Variants in LYPD6B observed in about 807,000 individuals in gnomAD.
LYPD6B encodes the protein LY6/PLAUR domain containing 6B, also known as ly6/PLAUR domain-containing protein 6B.
A neutral mutation model predicts 22.8 loss-of-function variants in LYPD6B; 17 were observed. The observed-to-expected ratio is 0.75, with a 90% confidence interval of 0.51 to 1.12. LYPD6B has a LOEUF of 1.12. Among genes scored for constraint, LYPD6B ranks in the 50% most tolerant of loss-of-function variants. The pLI is 0.00. For missense variants in LYPD6B, 221 were observed against 258.3 expected, an observed-to-expected ratio of 0.86 and a Z score of 0.99; for synonymous variants, 106 against 91.6, an observed-to-expected ratio of 1.16 and a Z score of -0.90.
chr2:149,103,539 A>G (rs1031913356), intron 1 of LYPD6B, among the ~76,000 whole-genome samples: 2 of 152,116 alleles, frequency 1.3e-5, no homozygotes, highest in Non-Finnish European at 2.9e-5. Flanking sequence ...CAGTTTGCTA[A>G]GTTTGGACAT....
intron 1 of LYPD6B, among the ~76,000 whole-genome samples, chr2:149,082,909 A>G (rs982739913): frequency 1.3e-5 from 2 of 152,210 alleles, no homozygotes; most frequent in African/African-American, 4.8e-5. Flanking sequence ...CATTGCCTGT[A>G]GGAAATAAGG....
At chr2:149,156,387 A>G (rs1375338148) in intron 2 of LYPD6B, among the ~76,000 whole-genome samples, 1 of 152,166 alleles carries the variant, frequency 6.6e-6, no homozygotes, top group African/African-American at 2.4e-5. Context: ...TTCCCTGGGA[A>G]TCCTGGCAAT....
At chr2:149,147,358 G>T (rs1018226121) in intron 2 of LYPD6B, among the ~76,000 whole-genome samples, 4 of 152,206 alleles carry the variant, frequency 2.6e-5, no homozygotes, top group Non-Finnish European at 4.4e-5. Context: ...GGGTATCTCT[G>T]AAGGACAGGC....
At chr2:149,082,552 A>G (rs1685185217) in intron 1 of LYPD6B, among the ~76,000 whole-genome samples, 1 of 152,084 alleles carries the variant, frequency 6.6e-6, no homozygotes, top group African/African-American at 2.4e-5. Context: ...TCTGAATGTA[A>G]ATTTTATTGC....
chr2:149,187,435 G>A, intron 3 of LYPD6B: 3 of 1,531,290 alleles, frequency 2.0e-6, no homozygotes, highest in South Asian at 1.2e-5. Context: ...GATGTGAAAG[G>A]CATTGTACAG....
intron 3 of LYPD6B, among the ~76,000 whole-genome samples, chr2:149,184,060 C>T (rs756383769): frequency 1.3e-4 from 20 of 151,880 alleles, no homozygotes; most frequent in Non-Finnish European, 2.1e-4. Context: ...GGCATGGTGG[C>T]GCATGCCTGT....
At chr2:149,173,928 A>G (rs917553553) in intron 3 of LYPD6B, among the ~76,000 whole-genome samples, 4 of 152,338 alleles carry the variant, frequency 2.6e-5, no homozygotes, top group African/African-American at 9.6e-5. Flanking sequence ...AATTCTGTGA[A>G]GAATGTCAAT....
At chr2:149,115,424 A>C (rs1686955819) in intron 1 of LYPD6B, among the ~76,000 whole-genome samples, 1 of 152,214 alleles carries the variant, frequency 6.6e-6, no homozygotes, top group Non-Finnish European at 1.5e-5. Context: ...ATTATAGTAG[A>C]AACTTAGAAT....
At chr2:149,058,806 C>T (rs1574889511) in intron 1 of LYPD6B, among the ~76,000 whole-genome samples, 1 of 152,044 alleles carries the variant, frequency 6.6e-6, no homozygotes, top group African/African-American at 2.4e-5. Context: ...TTTTAGTAGA[C>T]ATGGGGTTTC....
chr2:149,212,698 A>G (rs1436129794), intron 5 of LYPD6B, among the ~76,000 whole-genome samples: 1 of 152,172 alleles, frequency 6.6e-6, no homozygotes, highest in Non-Finnish European at 1.5e-5. Flanking sequence ...AAATGAGCAG[A>G]CCCATGTTTT....
At chr2:149,076,178 A>G (rs540185570) in intron 1 of LYPD6B, among the ~76,000 whole-genome samples, 1 of 152,360 alleles carries the variant, frequency 6.6e-6, no homozygotes, top group African/African-American at 2.4e-5. Flanking sequence ...CCAGAGTAGC[A>G]CTAGAGTAAC....
chr2:149,121,501 G>T (rs1352738938), intron 1 of LYPD6B, among the ~76,000 whole-genome samples: 1 of 152,188 alleles, frequency 6.6e-6, no homozygotes, highest in African/African-American at 2.4e-5. Context: ...CACCCCATTG[G>T]TTCAAATGAA....
chr2:149,174,720 C>T (rs1004238979), intron 3 of LYPD6B, among the ~76,000 whole-genome samples: 4 of 150,768 alleles, frequency 2.7e-5, no homozygotes, highest in African/African-American at 4.9e-5. Flanking sequence ...ACCTTGCATC[C>T]TAGGGATGAA....
intron 1 of LYPD6B, among the ~76,000 whole-genome samples, chr2:149,106,644 T>C (rs1397770214): frequency 2.6e-5 from 4 of 152,188 alleles, no homozygotes; most frequent in Admixed American, 2.6e-4. Context: ...TCCTCCTTTT[T>C]GATATTGATA....
At chr2:149,203,384 A>G (rs72860910) in intron 3 of LYPD6B, among the ~76,000 whole-genome samples, 30,109 of 152,202 alleles carry the variant, frequency 0.2, 3,467 homozygotes, top group Non-Finnish European at 0.26. Context: ...AGTCTCCCCC[A>G]CACAAAGGGT....
In LYPD6B at chr2:149,211,812, A is replaced by G. The variant is rs1318241803; in HGVS notation, c.329-1180A>G. 1.3e-5 allele frequency among the ~76,000 whole-genome samples: 2 copies of G among 152,130 alleles called. 1 individual carries two copies. Among genetic ancestry groups the G allele is most frequent in the Non-Finnish European group, 2.9e-5 (2 of 68,028 alleles). ...AGCATTTCATTGGCCTCTGGTATAA[A>G]AGAGACACAGAACCAAAGAATAATG... is the stretch of plus-strand genomic sequence containing the variant. On this transcript the variant is annotated intron_variant, in intron 5 of 6. Coordinates refer to ENST00000409642, the MANE Select transcript of LYPD6B (RefSeq NM_177964.5).
chr2:149,083,588 T>C (rs922952548), intron 1 of LYPD6B, among the ~76,000 whole-genome samples: 8 of 152,194 alleles, frequency 5.3e-5, no homozygotes, highest in Non-Finnish European at 1.0e-4. Flanking sequence ...TCTTTGCATG[T>C]CATTTACTTG....
intron 2 of LYPD6B, among the ~76,000 whole-genome samples, chr2:149,158,938 T>G (rs1306483718): frequency 1.3e-5 from 2 of 152,208 alleles, no homozygotes; most frequent in African/African-American, 4.8e-5. Context: ...CTACCCAACT[T>G]TTTATTGGAA....
In LYPD6B at chr2:149,079,976, C is replaced by T. The variant is rs530033722; in HGVS notation, c.-67+41175C>T. On this transcript the variant is annotated intron_variant, in intron 1 of 6. Coordinates refer to ENST00000409642, the MANE Select transcript of LYPD6B (RefSeq NM_177964.5). The stretch of plus-strand genomic sequence containing the variant: ...GCTTTATTTATCTGCACTTCTTTCC[C>T]GATTTCTGAGATAAGGATAGCACCG... Among the ~76,000 whole-genome samples the T allele has an allele frequency of 7.8e-4, 119 of 152,268 alleles. 1 individual carries two copies. Among genetic ancestry groups the T allele is most frequent in the South Asian group, 1.0e-3 (5 of 4,828 alleles).
Sources: gnomAD v4.1 joint callset for allele counts (sites outside exome capture counted in the v4.1 genomes callset) on GRCh38, gnomAD v4.1.1 for gene constraint, MANE v1.5 for transcripts, NCBI Gene and HGNC (gene_info 2026-07-23, HGNC 2026-07-21) for gene names.